Variants in GSDME observed in about 807,000 individuals in gnomAD.
The protein encoded by GSDME is gasdermin-E.
GSDME carries 44 observed loss-of-function variants against 47.5 expected under a neutral mutation model. The observed-to-expected ratio is 0.93, with a 90% CI of 0.73 to 1.19. The LOEUF is 1.19. Among genes scored for constraint, GSDME ranks in the 50% most tolerant of loss-of-function variants. The pLI is 0.00. For synonymous variants in GSDME, 258 were observed against 252.8 expected (o/e 1.02, Z -0.20); for missense variants, 663 against 604.2 (o/e 1.10, Z -1.02).
intron 5 of GSDME, 135 bp downstream of exon 5, chr7:24,717,119 C>G (rs983347677): frequency 9.8e-7 from 1 of 1,023,416 alleles, no homozygotes; most frequent in Non-Finnish European, 1.5e-6. Flanking sequence ...TTGGGACAAT[C>G]TACGCTCTTC....
At chr7:24,699,462 C>A (rs1002664883) in intron 9 of GSDME, among the ~76,000 whole-genome samples, 1 of 152,096 alleles carries the variant, frequency 6.6e-6, no homozygotes, top group Non-Finnish European at 1.5e-5. Context: ...TTTGCCTCAG[C>A]CTCCCGAGTA....
rs938245291 is a variant in GSDME, at chr7:24,744,082, C to T, written c.404+480G>A. The T allele has an allele frequency of 6.0e-5, 13 of 215,128 alleles. No homozygotes were observed. The highest frequency in any genetic ancestry group is 2.1e-4 in the Admixed American group (4 of 18,860). The allele number at this position is 215,128 out of a possible 1,614,324, so 13.3% of individuals were successfully genotyped here. ...CTATAGTGTGGTAAGATGTATTTAC[C>T]GAAAGCCAAACAATGAATAAATGTG... On this transcript the variant is annotated intron_variant, in intron 3 of 9. Coordinates refer to ENST00000645220, the MANE Select transcript of GSDME (RefSeq NM_001127453.2). The surrounding 1 kb of genome is among the most constrained non-coding windows in gnomAD (Gnocchi z 4.5).
chr7:24,700,697 G>T (rs900067683), intron 9 of GSDME, among the ~76,000 whole-genome samples: 1 of 152,192 alleles, frequency 6.6e-6, no homozygotes, highest in African/African-American at 2.4e-5. Context: ...GTAACCACAG[G>T]CTTAACGTTA....
At chr7:24,720,018 T>G (rs1789715882) in intron 3 of GSDME, among the ~76,000 whole-genome samples, 1 of 152,098 alleles carries the variant, frequency 6.6e-6, no homozygotes, top group Non-Finnish European at 1.5e-5. Flanking sequence ...GGAAATTAGA[T>G]TTGAACTAAG....
At chr7:24,711,926 C>A (rs959542858) in intron 5 of GSDME, among the ~76,000 whole-genome samples, 2 of 151,784 alleles carry the variant, frequency 1.3e-5, no homozygotes, top group African/African-American at 4.8e-5. Flanking sequence ...TACGTCCTTG[C>A]TAAGCAGAAA....
the GSDME span, among the ~76,000 whole-genome samples, chr7:24,776,180 CAA>C: frequency 2.8e-5 from 2 of 70,708 alleles, no homozygotes; most frequent in Non-Finnish European, 2.7e-5. Flanking sequence ...AACTCCATCT[CAA>C]AAAAAAAAAA....
At chr7:24,749,497 CAAA>C (rs66692319) in intron 2 of GSDME, 64 bp downstream of exon 2, 10,535 of 1,068,882 alleles carry the variant, frequency 9.9e-3, no homozygotes, top group Non-Finnish European at 0.011. Context: ...GACTCTGTGT[CAAA>C]AAAAAAAAAA....
intron 9 of GSDME, among the ~76,000 whole-genome samples, chr7:24,702,163 G>C (rs1788895852): frequency 6.6e-6 from 1 of 152,220 alleles, no homozygotes; most frequent in Non-Finnish European, 1.5e-5. Flanking sequence ...GCAACCTGTT[G>C]GTGGTTCTTT....
chr7:24,705,527 A>G lies in GSDME; in HGVS notation c.1183+657T>C, dbSNP rs1399038793. On this transcript the variant is annotated intron_variant, in intron 8 of 9. Coordinates refer to ENST00000645220, the MANE Select transcript of GSDME (RefSeq NM_001127453.2). This position sits in a 1 kb window ranked among gnomAD's most constrained non-coding sequence, Gnocchi z 4.1. ...CCACAACTGGCTTTTCTGAGAGGGA[A>G]TAGGAAGCCCAGCTTCCTCGTGACA... 6.3e-6 allele frequency: 1 copy of G among 158,588 alleles called. No homozygotes were observed. Among genetic ancestry groups the G allele is most frequent in the Non-Finnish European group, 1.4e-5 (1 of 71,898 alleles). The allele number at this position is 158,588 out of a possible 1,614,324, so 9.8% of individuals were successfully genotyped here.
chr7:24,734,858 G>GA (rs1790252148), intron 3 of GSDME, among the ~76,000 whole-genome samples: 1 of 151,928 alleles, frequency 6.6e-6, no homozygotes, highest in Admixed American at 6.6e-5. Context: ...AGGAAGGAGA[G>GA]AAAAAATAGG....
upstream of GSDME, among the ~76,000 whole-genome samples, chr7:24,761,421 C>T (rs1194651754): frequency 1.3e-5 from 2 of 152,248 alleles, no homozygotes; most frequent in Admixed American, 6.5e-5. The surrounding 1 kb of genome is among the most constrained non-coding windows in gnomAD (Gnocchi z 4.4). Context: ...TAGATAGTGA[C>T]TTCTCAATGT....
the GSDME span, among the ~76,000 whole-genome samples, chr7:24,791,832 C>A: frequency 6.6e-6 from 1 of 152,248 alleles, no homozygotes; most frequent in Non-Finnish European, 1.5e-5. This position sits in a 1 kb window ranked among gnomAD's most constrained non-coding sequence, Gnocchi z 4.8. Context: ...AAGCTCACTG[C>A]ATCCCTTCAG....
chr7:24,763,289 T>C, the GSDME span, among the ~76,000 whole-genome samples: 1 of 152,042 alleles, frequency 6.6e-6, no homozygotes, highest in African/African-American at 2.4e-5. This position sits in a 1 kb window ranked among gnomAD's most constrained non-coding sequence, Gnocchi z 4.3. Flanking sequence ...CAGCATACAA[T>C]TTTTTTCTTT....
chr7:24,707,451 CTATT>C (rs1263608169), intron 7 of GSDME: 10 of 471,252 alleles, frequency 2.1e-5, no homozygotes, highest in Non-Finnish European at 4.4e-5. Flanking sequence ...GTGCAAAAGC[CTATT>C]TATTTCTCTG....
chr7:24,755,102 A>G (rs923224537), intron 1 of GSDME, among the ~76,000 whole-genome samples: 9 of 152,232 alleles, frequency 5.9e-5, no homozygotes, highest in African/African-American at 2.2e-4. Context: ...CACAGCAAAG[A>G]AAGAAGCAGC....
At chr7:24,711,964 C>G (rs139262156) in intron 5 of GSDME, among the ~76,000 whole-genome samples, 7 of 152,134 alleles carry the variant, frequency 4.6e-5, no homozygotes, top group Non-Finnish European at 1.0e-4. Flanking sequence ...AATTAGCATT[C>G]TCTTTATGAT....
At chr7:24,759,630 C>G (rs989684539), upstream of GSDME, among the ~76,000 whole-genome samples, 1 of 152,166 alleles carries the variant, frequency 6.6e-6, no homozygotes, top group Non-Finnish European at 1.5e-5. Flanking sequence ...GAGACAGAGC[C>G]AAGATTTTAA....
chr7:24,773,222 C>T, the GSDME span, among the ~76,000 whole-genome samples: 4 of 152,180 alleles, frequency 2.6e-5, no homozygotes, highest in African/African-American at 9.7e-5. The surrounding 1 kb of genome is among the most constrained non-coding windows in gnomAD (Gnocchi z 5.4). Context: ...CACTTTAAGC[C>T]CTTGTATGTA....
intron 3 of GSDME, among the ~76,000 whole-genome samples, chr7:24,723,592 T>G (rs1584076909): frequency 6.6e-6 from 1 of 152,166 alleles, no homozygotes; most frequent in African/African-American, 2.4e-5. Flanking sequence ...AAACTCTCAG[T>G]TGAGGGTTTC....
Sources: gnomAD v4.1 joint callset for allele counts (sites outside exome capture counted in the v4.1 genomes callset) on GRCh38, gnomAD v4.1.1 for gene constraint, Gnocchi (gnomAD v3.1) non-coding constraint, MANE v1.5 for transcripts, NCBI Gene and HGNC (gene_info 2026-07-23, HGNC 2026-07-21) for gene names.